TENM2: variants seen among roughly 807,000 people sequenced by gnomAD.
TENM2 encodes the protein teneurin transmembrane protein 2.
Under a neutral mutation model 245.2 loss-of-function variants are expected in TENM2, and 52 were observed. The observed-to-expected ratio is 0.21, with a 90% CI of 0.17 to 0.27. TENM2 has a LOEUF of 0.27. Ranked by LOEUF, TENM2 falls within the 10% of genes least tolerant of loss-of-function variation. The pLI is 1.00. For synonymous variants in TENM2, 1,363 were observed against 1,438.9 expected (o/e 0.95, Z 1.19); for missense variants, 3,046 against 3,666.8 (o/e 0.83, Z 4.37).
chr5:168,057,994 A>C (rs1359650944), intron 6 of TENM2, among the ~76,000 whole-genome samples: 1 of 152,174 alleles, frequency 6.6e-6, no homozygotes, highest in Non-Finnish European at 1.5e-5. Context: ...CAGCATCAGC[A>C]GGGTAGTTAT....
chr5:167,772,624 C>G (rs1186226444), intron 2 of TENM2, among the ~76,000 whole-genome samples: 15 of 146,216 alleles, frequency 1.0e-4, no homozygotes, highest in Admixed American at 1.0e-3. Context: ...GTATCAGACC[C>G]ACTTTTTTTT....
intron 25 of TENM2, among the ~76,000 whole-genome samples, chr5:168,228,742 A>G (rs1764510828): frequency 1.3e-5 from 2 of 152,134 alleles, no homozygotes; most frequent in African/African-American, 4.8e-5. Context: ...AGATTTCCCA[A>G]GAGGAAGTAA....
intron 2 of TENM2, among the ~76,000 whole-genome samples, chr5:167,672,491 A>G (rs1756022238): frequency 6.6e-6 from 1 of 152,188 alleles, no homozygotes; most frequent in Non-Finnish European, 1.5e-5. Flanking sequence ...AACCTCAAGT[A>G]CTAGAGGGGT....
rs1349184992 is a variant in TENM2, at chr5:167,776,629, A to C, written c.503-99357A>C. Among the ~76,000 whole-genome samples the C allele has an allele frequency of 4.3e-4, 4 of 9,388 alleles. 1 individual carries two copies. Among genetic ancestry groups the C allele is most frequent in the Admixed American group, 1.6e-3 (1 of 626 alleles). The allele number at this position is 9,388 out of a possible 152,430, so 6.2% of individuals were successfully genotyped here. On this transcript the variant is annotated intron_variant, in intron 2 of 28. Coordinates refer to ENST00000518659, the Ensembl canonical transcript of TENM2. Reference sequence around the variant, plus strand: ...AAAAAAAAAAAAAAAAAAAAAAACCATATATATGTATCTATATATATATAT... The same window carrying C: ...AAAAAAAAAAAAAAAAAAAAAAACCCTATATATGTATCTATATATATATAT...
At chr5:167,913,362 T>G (rs1054235422) in intron 3 of TENM2, among the ~76,000 whole-genome samples, 5 of 152,324 alleles carry the variant, frequency 3.3e-5, no homozygotes, top group Non-Finnish European at 7.4e-5. Flanking sequence ...CAATCATATT[T>G]TCATATTGGG....
the TENM2 span, among the ~76,000 whole-genome samples, chr5:167,073,396 C>T: frequency 6.6e-6 from 1 of 152,122 alleles, no homozygotes; most frequent in Non-Finnish European, 1.5e-5. Context: ...TTTTGCTCTG[C>T]CTCAAGTTGT....
intron 2 of TENM2, among the ~76,000 whole-genome samples, chr5:167,763,761 C>T (rs943006305): frequency 3.9e-4 from 60 of 152,154 alleles, no homozygotes; most frequent in Non-Finnish European, 1.0e-4. Context: ...CTGAACTTCC[C>T]TCACTTTAAA....
At chr5:167,620,738 G>T (rs1778112587) in intron 2 of TENM2, among the ~76,000 whole-genome samples, 1 of 151,962 alleles carries the variant, frequency 6.6e-6, no homozygotes, top group African/African-American at 2.4e-5. Context: ...CTTGGGAGGA[G>T]AAATGTTTTG....
chr5:167,903,498 G>A (rs1052610418), intron 3 of TENM2, among the ~76,000 whole-genome samples: 17 of 143,244 alleles, frequency 1.2e-4, no homozygotes, highest in Non-Finnish European at 2.3e-4. Context: ...GTGAAATTTC[G>A]GTCACCCATG....
chr5:167,827,562 G>A (rs1258560671), intron 2 of TENM2, among the ~76,000 whole-genome samples: 1 of 129,202 alleles, frequency 7.7e-6, no homozygotes, highest in Non-Finnish European at 1.6e-5. Context: ...AGCACCTGCA[G>A]CTGAAGGAAC....
intron 2 of TENM2, among the ~76,000 whole-genome samples, chr5:167,787,312 AGC>A (rs1317728448): frequency 2.6e-5 from 4 of 152,354 alleles, no homozygotes; most frequent in Non-Finnish European, 5.9e-5. Context: ...AAAATCACTT[AGC>A]AAGTAATGAA....
At chr5:167,237,883 C>T in the TENM2 span, among the ~76,000 whole-genome samples, 20 of 151,910 alleles carry the variant, frequency 1.3e-4, no homozygotes, top group Admixed American at 6.6e-4. Context: ...TGGTGGCACA[C>T]GCCTGTAATC....
intron 1 of TENM2, among the ~76,000 whole-genome samples, chr5:167,318,499 A>G (rs1756514730): frequency 6.6e-6 from 1 of 152,068 alleles, no homozygotes; most frequent in South Asian, 2.1e-4. Flanking sequence ...TGCACATTAT[A>G]ACTATCTCAG....
At chr5:166,992,044 C>T in the TENM2 span, among the ~76,000 whole-genome samples, 13 of 134,754 alleles carry the variant, frequency 9.6e-5, no homozygotes, top group Admixed American at 1.1e-3. Flanking sequence ...AAATAAATAT[C>T]TGTTTCATAT....
At chr5:167,673,045 A>G (rs1177390340) in intron 2 of TENM2, among the ~76,000 whole-genome samples, 5 of 152,090 alleles carry the variant, frequency 3.3e-5, no homozygotes, top group Non-Finnish European at 7.4e-5. Context: ...AAAGATTCCA[A>G]TATCTTTAAG....
intron 2 of TENM2, among the ~76,000 whole-genome samples, chr5:167,632,240 T>C (rs1185446606): frequency 6.6e-6 from 1 of 152,146 alleles, no homozygotes; most frequent in East Asian, 1.9e-4. Flanking sequence ...CCCATAAGTA[T>C]TACAAGTTAT....
At chr5:167,090,944 A>C in the TENM2 span, among the ~76,000 whole-genome samples, 1 of 152,198 alleles carries the variant, frequency 6.6e-6, no homozygotes, top group African/African-American at 2.4e-5. Context: ...TAAACACAAA[A>C]CAGTTTTTCA....
At chr5:167,645,334 G>C (rs1779858706) in intron 2 of TENM2, among the ~76,000 whole-genome samples, 1 of 152,106 alleles carries the variant, frequency 6.6e-6, no homozygotes, top group African/African-American at 2.4e-5. Flanking sequence ...TTGCTTGTTG[G>C]GATGGAAACA....
chr5:167,380,219 A>G (rs79510774), intron 2 of TENM2, among the ~76,000 whole-genome samples: 4,103 of 152,202 alleles, frequency 0.027, 184 homozygotes, highest in African/African-American at 0.093. Context: ...CTTATTTTTA[A>G]AAAGTTTATT....
Sources: gnomAD v4.1 joint callset for allele counts (sites outside exome capture counted in the v4.1 genomes callset) on GRCh38, gnomAD v4.1.1 for gene constraint, MANE v1.5 for transcripts, NCBI Gene and HGNC (gene_info 2026-07-23, HGNC 2026-07-21) for gene names.